The following EVI5 variants were observed in gnomAD, a reference collection of about 807,000 sequenced individuals.
EVI5 encodes ecotropic viral integration site 5 protein homolog.
EVI5 carries 73 observed loss-of-function variants against 112.0 expected under a neutral mutation model. The observed-to-expected ratio is 0.65, with a 90% CI of 0.54 to 0.79. The LOEUF (loss-of-function observed/expected upper bound fraction) is 0.79. EVI5 is among the 30% of genes least tolerant of loss of function. The probability of loss-of-function intolerance (pLI) is 0.00; values close to 1 mark genes in which losing one functional copy is unlikely to be tolerated. For missense variants in EVI5, 900 were observed against 968.8 expected, an observed-to-expected ratio of 0.93 and a Z score of 0.94; for synonymous variants, 305 against 319.9, an observed-to-expected ratio of 0.95 and a Z score of 0.50.
At chr1:92,709,125 A>G (rs1255803359) in intron 2 of EVI5, among the ~76,000 whole-genome samples, 2 of 152,216 alleles carry the variant, frequency 1.3e-5, no homozygotes, top group Admixed American at 1.3e-4. Context: ...TATCTGAATA[A>G]AGCCATTATA....
intron 2 of EVI5, among the ~76,000 whole-genome samples, chr1:92,728,409 C>A (rs927486325): frequency 2.0e-5 from 3 of 147,030 alleles, no homozygotes; most frequent in Admixed American, 1.4e-4. Flanking sequence ...GAGACAAAGT[C>A]TCGCTCTGTC....
intron 18 of EVI5, among the ~76,000 whole-genome samples, chr1:92,565,316 T>C (rs1411316803): frequency 6.6e-6 from 1 of 152,234 alleles, no homozygotes; most frequent in African/African-American, 2.4e-5. Flanking sequence ...TGTACTTTGC[T>C]ATTATCTCTC....
chr1:92,734,695 T>C (rs1677052221), intron 2 of EVI5, among the ~76,000 whole-genome samples: 1 of 92,406 alleles, frequency 1.1e-5, no homozygotes, highest in Admixed American at 1.2e-4. Flanking sequence ...ATAAAACTTC[T>C]GCTTTTTGAA....
intron 18 of EVI5, among the ~76,000 whole-genome samples, chr1:92,581,956 A>T (rs1571684768): frequency 6.6e-6 from 1 of 152,344 alleles, no homozygotes; most frequent in East Asian, 1.9e-4. Flanking sequence ...TAAATAAGAC[A>T]AACAAGGTTC....
chr1:92,546,470 G>A (rs1201985477), intron 19 of EVI5, among the ~76,000 whole-genome samples: 2 of 152,082 alleles, frequency 1.3e-5, no homozygotes, highest in Admixed American at 1.3e-4. Context: ...AGACCGAGGC[G>A]GGTGGATCAC....
At position 92,513,512 on chromosome 1, in the gene EVI5, TA is replaced by T. The variant is rs1659342849; in HGVS notation, c.*143del. ...TAAAAAGGCAGATAAGACTGTAAAATATATATATATATATATATATATATAT... is the reference window on the plus strand; with the variant it reads ...TAAAAAGGCAGATAAGACTGTAAAATTATATATATATATATATATATATAT... On this transcript the variant is annotated 3_prime_UTR_variant, in exon 20 of 20. Coordinates refer to ENST00000684568, the MANE Select transcript of EVI5 (RefSeq NM_001350197.2). 4.3e-5 allele frequency: 1 copy of T among 23,328 alleles called. No individual in the cohort carries two copies. The highest frequency in any genetic ancestry group is 7.2e-5 in the Non-Finnish European group (1 of 13,828). The allele number at this position is 23,328 out of a possible 1,614,324, so 1.4% of individuals were successfully genotyped here. A position where few individuals can be genotyped will look rare whatever the true frequency, so the allele number is the denominator to read the frequency against.
chr1:92,566,066 T>TG, intron 18 of EVI5, among the ~76,000 whole-genome samples: 1 of 151,280 alleles, frequency 6.6e-6, no homozygotes, highest in Non-Finnish European at 1.5e-5. Flanking sequence ...CTACCCAAAT[T>TG]GTATCTCTAA....
intron 1 of EVI5, among the ~76,000 whole-genome samples, chr1:92,770,679 A>G (rs968627881): frequency 6.6e-6 from 1 of 151,608 alleles, no homozygotes; most frequent in African/African-American, 2.4e-5. Context: ...AGTCCCAGCT[A>G]CTTGGGAGGC....
chr1:92,622,537 CAG>C (rs1654821405), intron 16 of EVI5, among the ~76,000 whole-genome samples: 1 of 152,188 alleles, frequency 6.6e-6, no homozygotes, highest in African/African-American at 2.4e-5. Context: ...CTTAAAATGA[CAG>C]AACTGGAGTT....
Position 92,512,321 on chromosome 1 carries a change from CACTA to C in EVI5, c.*1331_*1334del, listed in dbSNP as rs1025529560. 7.9e-5 allele frequency: 12 copies of C among 152,680 alleles called. No individual in the cohort carries two copies. Among genetic ancestry groups the C allele is most frequent in the South Asian group, 6.2e-4 (3 of 4,828 alleles). 9.5% of individuals were successfully genotyped at this position (152,680 alleles called of 1,614,324 possible). A position where few individuals can be genotyped will look rare whatever the true frequency, so the allele number is the denominator to read the frequency against. On this transcript the variant is annotated 3_prime_UTR_variant, in exon 20 of 20. Transcript: ENST00000684568. ...TAAATTATATTCAGTAGAATATTAG[CACTA>C]ACTAATATGTGCTATAACCTCTTCA...
At chr1:92,596,548 A>C (rs1333160025) in intron 18 of EVI5, among the ~76,000 whole-genome samples, 1 of 152,206 alleles carries the variant, frequency 6.6e-6, no homozygotes, top group Non-Finnish European at 1.5e-5. Flanking sequence ...GTTGTTAAGT[A>C]ATAAGCTCTA....
At chr1:92,652,162 C>T (rs183020682) in intron 13 of EVI5, among the ~76,000 whole-genome samples, 22 of 152,168 alleles carry the variant, frequency 1.4e-4, no homozygotes, top group African/African-American at 4.8e-4. Context: ...ATTTTATCAG[C>T]CATAAAAATG....
At chr1:92,717,701 C>A (rs1673989230) in intron 2 of EVI5, among the ~76,000 whole-genome samples, 1 of 152,078 alleles carries the variant, frequency 6.6e-6, no homozygotes, top group Admixed American at 6.5e-5. Flanking sequence ...ACAATATTAA[C>A]CTTAAATGTA....
At chr1:92,587,869 C>T (rs1006535421) in intron 18 of EVI5, among the ~76,000 whole-genome samples, 1 of 152,122 alleles carries the variant, frequency 6.6e-6, no homozygotes, top group African/African-American at 2.4e-5. Context: ...AAGCTTTTAA[C>T]ATAGTTACAA....
intron 10 of EVI5, among the ~76,000 whole-genome samples, chr1:92,671,509 T>C (rs964133534): frequency 1.4e-4 from 22 of 152,318 alleles, no homozygotes; most frequent in African/African-American, 5.3e-4. Context: ...ACCAAATTTA[T>C]ATTTTGAGCT....
chr1:92,684,045 C>G (rs935347110), intron 9 of EVI5, among the ~76,000 whole-genome samples: 10 of 152,084 alleles, frequency 6.6e-5, no homozygotes, highest in African/African-American at 2.4e-4. Context: ...TGAGGAAAAA[C>G]AGAGAACACC....
intron 16 of EVI5, among the ~76,000 whole-genome samples, chr1:92,619,581 T>A (rs1402402051): frequency 1.3e-5 from 2 of 151,368 alleles, no homozygotes; most frequent in African/African-American, 4.9e-5. Flanking sequence ...AACATAAAAT[T>A]AGATAGGTAA....
At chr1:92,524,588 C>G (rs2101766777) in intron 19 of EVI5, among the ~76,000 whole-genome samples, 1 of 152,328 alleles carries the variant, frequency 6.6e-6, no homozygotes, top group Non-Finnish European at 1.5e-5. Flanking sequence ...GGATTCATCA[C>G]TGAAGCGCAC....
At chr1:92,711,924 T>C (rs1346598886) in intron 2 of EVI5, among the ~76,000 whole-genome samples, 2 of 152,158 alleles carry the variant, frequency 1.3e-5, no homozygotes, top group African/African-American at 4.8e-5. Context: ...ACCAGCAAGT[T>C]TGGCATAAGA....
Sources: gnomAD v4.1 joint callset for allele counts (sites outside exome capture counted in the v4.1 genomes callset) on GRCh38, gnomAD v4.1.1 for gene constraint, MANE v1.5 for transcripts, NCBI Gene and HGNC (gene_info 2026-07-23, HGNC 2026-07-21) for gene names.